PCDH11Y: variants seen among roughly 807,000 people sequenced by gnomAD.
PCDH11Y encodes protocadherin 11 Y-linked, also known as protocadherin-11 Y-linked.
For missense variants in PCDH11Y, 12 were observed against 224.8 expected (o/e 0.05, Z 6.05); for synonymous variants, 9 against 83.6 (o/e 0.11, Z 4.87).
intron 1 of PCDH11Y, among the ~76,000 whole-genome samples, chrY:5,006,764 T>A (rs2124617516): frequency 3.0e-5 from 1 of 33,713 alleles, no homozygotes; most frequent in South Asian, 6.5e-4. Context: ...CCAAACTGGC[T>A]TGCTATGTTC....
At chrY:5,294,717 T>C in intron 2 of PCDH11Y, among the ~76,000 whole-genome samples, 2 of 33,463 alleles carry the variant, frequency 6.0e-5, no homozygotes, top group African/African-American at 1.2e-4. Context: ...GCAAAAATGT[T>C]GGAGTTATTA....
intron 2 of PCDH11Y, among the ~76,000 whole-genome samples, chrY:5,263,643 A>G: frequency 3.0e-5 from 1 of 33,747 alleles, no homozygotes; most frequent in African/African-American, 1.2e-4. Flanking sequence ...GGAGACTCAT[A>G]GAAGCACTGC....
At chrY:5,131,765 A>T in intron 2 of PCDH11Y, among the ~76,000 whole-genome samples, 1 of 33,730 alleles carries the variant, frequency 3.0e-5, no homozygotes, top group South Asian at 6.5e-4. Context: ...AGTTCAACAG[A>T]GACCTCGGAA....
At chrY:5,429,216 C>T in intron 2 of PCDH11Y, among the ~76,000 whole-genome samples, 1 of 33,318 alleles carries the variant, frequency 3.0e-5, no homozygotes, top group Non-Finnish European at 7.4e-5. Flanking sequence ...AAGTAAATGC[C>T]ACAAGAAAAG....
At chrY:5,634,140 G>C (rs1402055612) in intron 4 of PCDH11Y, among the ~76,000 whole-genome samples, 580 of 27,508 alleles carry the variant, frequency 0.021, no homozygotes, top group Middle Eastern at 0.16. Context: ...CGTGAACCCG[G>C]GAGGCAGAGC....
intron 2 of PCDH11Y, among the ~76,000 whole-genome samples, chrY:5,172,850 G>GA (rs369965977): frequency 3.6e-5 from 1 of 27,953 alleles, no homozygotes; most frequent in Admixed American, 3.2e-4. Flanking sequence ...GATATAGAGG[G>GA]AAAAAAAAAA....
At chrY:5,185,371 A>G (rs2052905220) in intron 2 of PCDH11Y, among the ~76,000 whole-genome samples, 8 of 32,462 alleles carry the variant, frequency 2.5e-4, no homozygotes, top group Non-Finnish European at 6.1e-4. Flanking sequence ...GAGCCACCAC[A>G]CCTGGCCAGG....
chrY:5,567,648 T>G, intron 3 of PCDH11Y, among the ~76,000 whole-genome samples: 1 of 25,780 alleles, frequency 3.9e-5, no homozygotes, highest in Non-Finnish European at 8.9e-5. Context: ...TAAAATTATA[T>G]GTATTATAAT....
intron 1 of PCDH11Y, among the ~76,000 whole-genome samples, chrY:5,013,929 C>CA (rs2052556855): frequency 6.9e-5 from 2 of 29,026 alleles, no homozygotes; most frequent in African/African-American, 2.7e-4. Flanking sequence ...AAAATCAAAG[C>CA]AGATTTATCA....
chrY:5,096,560 C>T (rs2052750699), intron 1 of PCDH11Y, among the ~76,000 whole-genome samples: 1 of 28,416 alleles, frequency 3.5e-5, no homozygotes, highest in African/African-American at 1.4e-4. Flanking sequence ...CTTTTTATCT[C>T]ATTCATCTCT....
intron 2 of PCDH11Y, among the ~76,000 whole-genome samples, chrY:5,418,708 T>G: frequency 3.0e-5 from 1 of 33,400 alleles, no homozygotes; most frequent in African/African-American, 1.2e-4. Context: ...TGACATGCAT[T>G]TATGACATTG....
chrY:5,208,243 C>G, intron 2 of PCDH11Y, among the ~76,000 whole-genome samples: 4 of 32,833 alleles, frequency 1.2e-4, no homozygotes, highest in Admixed American at 8.4e-4. Context: ...GACCCACCCC[C>G]CTATTCAGTC....
chrY:5,665,683 T>C, intron 4 of PCDH11Y, among the ~76,000 whole-genome samples: 1 of 33,708 alleles, frequency 3.0e-5, no homozygotes, highest in Non-Finnish European at 7.4e-5. Flanking sequence ...TCATATTACT[T>C]GTGTTTTATC....
intron 3 of PCDH11Y, among the ~76,000 whole-genome samples, chrY:5,044,772 T>G (rs2124625140): frequency 3.0e-5 from 1 of 32,877 alleles, no homozygotes; most frequent in South Asian, 7.0e-4. Context: ...CACTCAGGAC[T>G]TGCTTTATGA....
At chrY:5,228,463 A>G in intron 2 of PCDH11Y, among the ~76,000 whole-genome samples, 10 of 31,374 alleles carry the variant, frequency 3.2e-4, no homozygotes. Flanking sequence ...TCTTCTACTA[A>G]CTTTGGTTTG....
At chrY:5,602,665 T>C (rs1602948947) in intron 4 of PCDH11Y, among the ~76,000 whole-genome samples, 1 of 30,280 alleles carries the variant, frequency 3.3e-5, no homozygotes, top group Non-Finnish European at 8.0e-5. Flanking sequence ...CTACTCCTGC[T>C]TTTTTTTTCC....
In PCDH11Y at chrY:5,488,220, T is replaced by G; in HGVS notation, c.3130-12837T>G. Among the ~76,000 whole-genome samples, 3 of 33,486 alleles carry G rather than the reference T, an allele frequency of 9.0e-5. No homozygotes were observed. In the South Asian group the frequency reaches 2.0e-3, roughly 22 times the overall value. The allele number at this position is 33,486 out of a possible 37,273, so 89.8% of individuals were successfully genotyped here. A position where few individuals can be genotyped will look rare whatever the true frequency, so the allele number is the denominator to read the frequency against. ...ATAAAACATATTTCAAAGGCTGATG[T>G]CAAAACAGAAGCAAATGTTCAGAGT... On this transcript the variant is annotated intron_variant, in intron 2 of 4. Transcript: ENST00000400457.
intron 2 of PCDH11Y, among the ~76,000 whole-genome samples, chrY:5,415,005 C>T: frequency 6.0e-5 from 2 of 33,309 alleles, no homozygotes; most frequent in Non-Finnish European, 1.5e-4. Flanking sequence ...CCTCGTGATC[C>T]ACCTGCTTCA....
intron 2 of PCDH11Y, among the ~76,000 whole-genome samples, chrY:5,391,568 C>T: frequency 9.7e-5 from 3 of 30,866 alleles, no homozygotes; most frequent in Admixed American, 3.1e-4. Context: ...ATTGTTTCTA[C>T]AAAAATTTTA....
Sources: gnomAD v4.1 joint callset for allele counts (sites outside exome capture counted in the v4.1 genomes callset) on GRCh38, gnomAD v4.1.1 for gene constraint, MANE v1.5 for transcripts, NCBI Gene and HGNC (gene_info 2026-07-23, HGNC 2026-07-21) for gene names.